The following WDR27 variants were observed in gnomAD, a reference collection of about 807,000 sequenced individuals.
WDR27 encodes the protein WD repeat domain 27, also known as WD repeat-containing protein 27.
Under a neutral mutation model 114.4 loss-of-function variants are expected in WDR27, and 100 were observed. The ratio of observed to expected loss-of-function variants is 0.87; its 90% CI spans 0.74 to 1.03. WDR27 has a LOEUF of 1.03. Among genes scored for constraint, WDR27 ranks in the 50% least tolerant of loss-of-function variants. The pLI, the probability that WDR27 is intolerant of heterozygous loss-of-function variation, is 0.00. For missense variants in WDR27, 1,129 were observed against 1,092.9 expected (o/e 1.03, Z -0.47); for synonymous variants, 449 against 423.1 (o/e 1.06, Z -0.75).
chr6:169,538,882 C>T (rs1028259282), intron 25 of WDR27, among the ~76,000 whole-genome samples: 1 of 152,260 alleles, frequency 6.6e-6, no homozygotes. Context: ...CCATGAAATA[C>T]ACACATTACA....
intron 22 of WDR27, among the ~76,000 whole-genome samples, chr6:169,602,830 C>CT (rs551964287): frequency 1.2e-3 from 169 of 145,668 alleles, no homozygotes; most frequent in South Asian, 3.9e-3. Flanking sequence ...AAAGATAATT[C>CT]TTTTTTTTTT....
At chr6:169,458,231 T>C (rs183838445) in intron 25 of WDR27, among the ~76,000 whole-genome samples, 1 of 152,164 alleles carries the variant, frequency 6.6e-6, no homozygotes, top group Non-Finnish European at 1.5e-5. Flanking sequence ...CTTTCAAAAG[T>C]GGTCTCCATA....
chr6:169,446,093 C>T, the WDR27 span, among the ~76,000 whole-genome samples: 3 of 152,388 alleles, frequency 2.0e-5, no homozygotes, highest in East Asian at 1.9e-4. Flanking sequence ...TGAGGCAGGA[C>T]GATCTGAGCT....
intron 10 of WDR27, 93 bp downstream of exon 10, chr6:169,660,570 C>G: frequency 1.9e-6 from 2 of 1,033,434 alleles, no homozygotes; most frequent in Non-Finnish European, 3.0e-6. Context: ...CAGATTCACA[C>G]GGCAAGGCCT....
intron 22 of WDR27, among the ~76,000 whole-genome samples, chr6:169,605,495 T>C (rs532809529): frequency 6.6e-5 from 10 of 151,942 alleles, no homozygotes; most frequent in Non-Finnish European, 1.0e-4. Flanking sequence ...CCTATGCTCA[T>C]GGATCAGAAG....
At chr6:169,443,022 T>C in the WDR27 span, among the ~76,000 whole-genome samples, 155 of 152,158 alleles carry the variant, frequency 1.0e-3, no homozygotes, top group Non-Finnish European at 1.8e-3. Context: ...CAAAAGACAA[T>C]GTGATGAGCA....
At chr6:169,629,038 T>C (rs1328587183) in intron 21 of WDR27, among the ~76,000 whole-genome samples, 1 of 152,152 alleles carries the variant, frequency 6.6e-6, no homozygotes, top group African/African-American at 2.4e-5. Flanking sequence ...GCTTTATATA[T>C]GCAAAAGGTT....
At chr6:169,509,938 GAAAC>G (rs1355179315) in intron 25 of WDR27, among the ~76,000 whole-genome samples, 2 of 151,912 alleles carry the variant, frequency 1.3e-5, no homozygotes, top group Non-Finnish European at 2.9e-5. Context: ...TTACAAGAAA[GAAAC>G]AAACAACCCC....
downstream of WDR27, among the ~76,000 whole-genome samples, chr6:169,456,345 C>G (rs141475067): frequency 6.6e-6 from 1 of 152,106 alleles, no homozygotes; most frequent in African/African-American, 2.4e-5. This position sits in a 1 kb window ranked among gnomAD's most constrained non-coding sequence, Gnocchi z 4.0. Context: ...CACACTGCGT[C>G]TCTTGTGAAA....
At chr6:169,483,165 G>T (rs1246253429) in intron 25 of WDR27, among the ~76,000 whole-genome samples, 2 of 152,116 alleles carry the variant, frequency 1.3e-5, no homozygotes, top group African/African-American at 2.4e-5. Context: ...GCTAGCAGAA[G>T]ACAAGAAATA....
chr6:169,494,770 AT>A (rs1790190293), intron 25 of WDR27, among the ~76,000 whole-genome samples: 1 of 152,098 alleles, frequency 6.6e-6, no homozygotes, highest in East Asian at 1.9e-4. Context: ...GCATTAATGA[AT>A]TTTTTATTAG....
downstream of WDR27, among the ~76,000 whole-genome samples, chr6:169,453,502 G>T (rs1052703668): frequency 1.3e-5 from 2 of 152,180 alleles, no homozygotes; most frequent in Non-Finnish European, 1.5e-5. Flanking sequence ...CCATCTCTGG[G>T]AGTCCCACGC....
At chr6:169,643,622 T>G in intron 17 of WDR27, 75 bp downstream of exon 17, 1 of 1,286,668 alleles carries the variant, frequency 7.8e-7, no homozygotes, top group South Asian at 1.4e-5. Flanking sequence ...AAAGTGTCCT[T>G]TAGCAACTGA....
chr6:169,628,039 C>G (rs566321607), intron 21 of WDR27, among the ~76,000 whole-genome samples: 152 of 152,176 alleles, frequency 1.0e-3, no homozygotes, highest in African/African-American at 3.2e-3. Context: ...TTGCTCTCCC[C>G]CCAGAATTCA....
intron 21 of WDR27, among the ~76,000 whole-genome samples, chr6:169,627,377 TCCAACACAACA>T (rs1815118361): frequency 6.6e-6 from 1 of 152,194 alleles, no homozygotes; most frequent in Non-Finnish European, 1.5e-5. Flanking sequence ...TGATGATGCT[TCCAACACAACA>T]TATTTTAAAA....
intron 25 of WDR27, among the ~76,000 whole-genome samples, chr6:169,513,812 A>G (rs1022713949): frequency 6.6e-6 from 1 of 151,982 alleles, no homozygotes. Context: ...TACCTCTGCC[A>G]ATCCCTGTGC....
At position 169,485,020 on chromosome 6, in the gene WDR27, T is replaced by A. The variant is rs562441688; in HGVS notation, c.2646-27386A>T. On this transcript the variant is annotated intron_variant, in intron 25 of 25. Coordinates refer to ENST00000448612, the MANE Select transcript of WDR27 (RefSeq NM_182552.5). The stretch of plus-strand genomic sequence containing the variant: ...CCTTTAGCCATATACAAACATAAAC[T>A]CAAGATGGATTAAAAACTTAAATGT... 3.9e-5 allele frequency among the ~76,000 whole-genome samples: 6 copies of A among 152,120 alleles called. No individual in the cohort carries two copies. The South Asian group carries it at 1.2e-3, about 32-fold the overall frequency.
At chr6:169,548,065 T>C (rs1414827664) in intron 25 of WDR27, among the ~76,000 whole-genome samples, 1 of 152,148 alleles carries the variant, frequency 6.6e-6, no homozygotes, top group Non-Finnish European at 1.5e-5. Context: ...AATTTGAAAT[T>C]AAAAACACAA....
intron 23 of WDR27, among the ~76,000 whole-genome samples, chr6:169,589,960 C>CAACAAGTCCTGAGACAAGAAGCAAGAAA (rs11275789): frequency 2.6e-5 from 4 of 151,948 alleles, no homozygotes; most frequent in African/African-American, 9.7e-5. Flanking sequence ...AGAACCAAAT[C>CAACAAGTCCTGAGACAAGAAGCAAGAAA]AAGGGAAGCA....
Sources: allele counts gnomAD v4.1 joint callset (sites outside exome capture counted in the v4.1 genomes callset), GRCh38; gene constraint gnomAD v4.1.1; non-coding constraint Gnocchi (gnomAD v3.1); transcripts MANE v1.5; gene names NCBI Gene and HGNC (gene_info 2026-07-23, HGNC 2026-07-21).